OR9Q1: variants seen among roughly 807,000 people sequenced by gnomAD.
OR9Q1 encodes the protein olfactory receptor family 9 subfamily Q member 1, also known as olfactory receptor 9Q1.
For synonymous variants in OR9Q1, 153 were observed against 148.6 expected (o/e 1.03, Z -0.22); for missense variants, 374 against 378.8 (o/e 0.99, Z 0.11).
chr11:58,139,392 T>C (rs1187921412), intron 2 of OR9Q1, among the ~76,000 whole-genome samples: 1 of 151,904 alleles, frequency 6.6e-6, no homozygotes, highest in Non-Finnish European at 1.5e-5. Flanking sequence ...ATTAACTCAT[T>C]ATTTAACATT....
At chr11:58,089,959 G>A (rs1292229771) in intron 2 of OR9Q1, among the ~76,000 whole-genome samples, 1 of 151,946 alleles carries the variant, frequency 6.6e-6, no homozygotes, top group African/African-American at 2.4e-5. Flanking sequence ...TCTATTATTT[G>A]TGCATAGGAT....
At chr11:58,140,133 G>T (rs1010491753) in intron 2 of OR9Q1, among the ~76,000 whole-genome samples, 7 of 152,008 alleles carry the variant, frequency 4.6e-5, no homozygotes, top group Non-Finnish European at 7.4e-5. Context: ...TGATGGGGTT[G>T]TTTGTTTTTT....
chr11:58,112,103 C>T (rs1853907205), intron 2 of OR9Q1, among the ~76,000 whole-genome samples: 1 of 151,690 alleles, frequency 6.6e-6, no homozygotes, highest in South Asian at 2.1e-4. Context: ...GCCTGGCCAC[C>T]ATGGTGAAAC....
chr11:58,031,190 G>A lies in OR9Q1; in HGVS notation c.-93+7086G>A, dbSNP rs748234725. The A allele has an allele frequency of 3.1e-6, 5 of 1,614,028 alleles. No homozygotes were observed. The East Asian group carries it at 1.1e-4, about 36-fold the overall frequency. ...TGAAATCTGGTACACTTCTGTTACA[G>A]TGCCCAAGATGCTGGCTGGTTTTAT... On this transcript the variant is annotated intron_variant, in intron 1 of 2. Coordinates refer to ENST00000335397, the MANE Select transcript of OR9Q1 (RefSeq NM_001005212.4).
Position 58,180,128 on chromosome 11 carries a change from C to A in OR9Q1, c.684C>A (p.Ile228=), listed in dbSNP as rs373710335. 182 of 1,614,014 alleles carry A rather than the reference C, an allele frequency of 1.1e-4. No homozygotes were observed. Among genetic ancestry groups the A allele is most frequent in the Non-Finnish European group, 1.5e-4 (174 of 1,180,020 alleles). ...TTATCATCGTGGCCATCATGGGGAT[C>A]CCTGCTGGAAGCCAGGCCAAGACCT... ...YLFIIVAIMG[I]PAGSQAKTFS... is the part of the protein sequence containing the mutation. The change falls in exon 3 of 3, where the codon ATC becomes ATA. Residue 228 remains isoleucine, a synonymous_variant. Coordinates refer to ENST00000335397, the MANE Select transcript of OR9Q1 (RefSeq NM_001005212.4).
At chr11:58,171,462 C>T (rs538491005) in intron 2 of OR9Q1, 4 of 152,354 alleles carry the variant, frequency 2.6e-5, no homozygotes, top group African/African-American at 4.8e-5. Context: ...GCCATCTAAA[C>T]ACCTGCAAAT....
intron 1 of OR9Q1, among the ~76,000 whole-genome samples, chr11:58,053,658 T>A (rs1477361739): frequency 8.3e-6 from 1 of 120,804 alleles, no homozygotes; most frequent in African/African-American, 3.0e-5. Context: ...TATATATATA[T>A]AAAATATATA....
At chr11:58,080,395 A>G (rs887086988) in intron 2 of OR9Q1, among the ~76,000 whole-genome samples, 3 of 152,052 alleles carry the variant, frequency 2.0e-5, no homozygotes, top group African/African-American at 7.2e-5. Context: ...TTCACTGTTG[A>G]TGGGCACCCA....
chr11:58,123,240 C>T (rs994891120), intron 2 of OR9Q1, among the ~76,000 whole-genome samples: 4 of 152,182 alleles, frequency 2.6e-5, no homozygotes, highest in Non-Finnish European at 5.9e-5. Context: ...TGTCTCCCTC[C>T]ATTTTCCTAT....
At position 58,087,333 on chromosome 11, in the gene OR9Q1, T is replaced by A. The variant is rs955644996; in HGVS notation, c.-15+31386T>A. Among the ~76,000 whole-genome samples the A allele has an allele frequency of 2.0e-5, 3 of 151,966 alleles. No homozygotes were observed. In the East Asian group the frequency reaches 5.8e-4, roughly 29 times the overall value. On this transcript the variant is annotated intron_variant, in intron 2 of 2. Coordinates refer to ENST00000335397, the MANE Select transcript of OR9Q1 (RefSeq NM_001005212.4). ...ATTCCCCCAATACTAATAGCATTGA[T>A]TAGTTTACTTGCTTTTTTTCCTTTA...
chr11:58,024,674 TCTC>T (rs1008721747), intron 1 of OR9Q1, among the ~76,000 whole-genome samples: 1 of 152,188 alleles, frequency 6.6e-6, no homozygotes, highest in Non-Finnish European at 1.5e-5. Context: ...CGTGTGACCC[TCTC>T]CTCTCTGGCT....
intron 1 of OR9Q1, among the ~76,000 whole-genome samples, chr11:58,032,651 T>G (rs1026102117): frequency 4.6e-5 from 7 of 152,086 alleles, no homozygotes; most frequent in African/African-American, 1.7e-4. Context: ...CCTCAAACTA[T>G]AAAAAAATCC....
At chr11:58,119,553 G>T in intron 2 of OR9Q1, 1 of 725,328 alleles carries the variant, frequency 1.4e-6, no homozygotes. Flanking sequence ...TTTAATTCTG[G>T]GTCTATTTGT....
At chr11:58,101,927 G>T (rs1336592997) in intron 2 of OR9Q1, among the ~76,000 whole-genome samples, 1 of 151,976 alleles carries the variant, frequency 6.6e-6, no homozygotes, top group African/African-American at 2.4e-5. Flanking sequence ...TGTATTTTTA[G>T]TACAGACGGG....
intron 1 of OR9Q1, among the ~76,000 whole-genome samples, chr11:58,054,648 T>C (rs1369685983): frequency 2.0e-5 from 3 of 152,212 alleles, no homozygotes; most frequent in Non-Finnish European, 4.4e-5. Context: ...AATGCATGCG[T>C]TGAGGCCAGG....
At chr11:58,031,272 T>TCTTCAC (rs1235475968) in intron 1 of OR9Q1, 8 of 1,614,042 alleles carry the variant, frequency 5.0e-6, no homozygotes, top group Admixed American at 1.7e-5. Context: ...CAGCTCTTCA[T>TCTTCAC]CTTCACCTTT....
chr11:58,046,633 G>A (rs61904013), intron 1 of OR9Q1, among the ~76,000 whole-genome samples: 24,445 of 152,056 alleles, frequency 0.16, 2,091 homozygotes, highest in Non-Finnish European at 0.2. Flanking sequence ...AGGCTGAGGC[G>A]GGTGGATCGT....
chr11:58,030,449 C>A (rs1350731185), intron 1 of OR9Q1, among the ~76,000 whole-genome samples: 5 of 152,178 alleles, frequency 3.3e-5, no homozygotes, highest in African/African-American at 1.2e-4. Context: ...TACATTTTCA[C>A]AACAAATCTG....
chr11:58,124,809 G>C (rs530667030), intron 2 of OR9Q1, among the ~76,000 whole-genome samples: 1 of 152,292 alleles, frequency 6.6e-6, no homozygotes, highest in South Asian at 2.1e-4. Flanking sequence ...AACACGCTGT[G>C]CTGCTTTTCC....
Sources: gnomAD v4.1 joint callset for allele counts (sites outside exome capture counted in the v4.1 genomes callset) on GRCh38, gnomAD v4.1.1 for gene constraint, MANE v1.5 for transcripts, NCBI Gene and HGNC (gene_info 2026-07-23, HGNC 2026-07-21) for gene names.